ASAH1: variants seen among roughly 807,000 people sequenced by gnomAD.
ASAH1 encodes N-acylsphingosine amidohydrolase 1.
A neutral mutation model predicts 59.5 loss-of-function variants in ASAH1; 70 were observed. The ratio of observed to expected loss-of-function variants is 1.18; its 90% CI spans 0.97 to 1.43. The LOEUF (loss-of-function observed/expected upper bound fraction) is 1.43. Among genes scored for constraint, ASAH1 ranks in the 40% most tolerant of loss-of-function variants. The pLI is 0.00. For missense variants in ASAH1, 660 were observed against 482.5 expected (o/e 1.37, Z -3.45); for synonymous variants, 213 against 166.5 (o/e 1.28, Z -2.15).
intron 10 of ASAH1, chr8:18,060,348 G>A (rs1799638869): frequency 6.5e-6 from 1 of 153,982 alleles, no homozygotes; most frequent in Non-Finnish European, 1.4e-5. Flanking sequence ...AGCAATCCCT[G>A]ACCCTGTATG....
intron 6 of ASAH1, 185 bp from the exon 7 acceptor site, chr8:18,063,415 T>G: frequency 1.6e-6 from 1 of 609,080 alleles, no homozygotes; most frequent in East Asian, 3.0e-5. Context: ...GCAATTCTTG[T>G]GCCTCAGCCT....
chr8:18,084,080 T>C lies in ASAH1; in HGVS notation c.-22A>G, dbSNP rs765396156. The C allele has an allele frequency of 6.3e-7, 1 of 1,597,710 alleles. No homozygotes were observed. The highest frequency in any genetic ancestry group is 1.3e-5 in the African/African-American group (1 of 74,828). ...GCATCGCTCTAGCAGCCAACGCCAC[T>C]CCCCGGACTCCAGCAGAGGCAAAGA... On this transcript the variant is annotated 5_prime_UTR_variant, in exon 1 of 14. Transcript: ENST00000637790.
intron 5 of ASAH1, chr8:18,066,531 A>G (rs1414750763): frequency 7.5e-6 from 1 of 133,868 alleles, no homozygotes; most frequent in African/African-American, 2.9e-5. Context: ...AGGCTCAAAT[A>G]AAGATTGACA....
upstream of ASAH1, chr8:18,084,392 G>C (rs1484167937): frequency 2.7e-5 from 38 of 1,400,646 alleles, no homozygotes; most frequent in Non-Finnish European, 3.5e-5. Flanking sequence ...CCGTAGGTGG[G>C]GCCGGGAGCT....
At chr8:18,059,849 G>A (rs1268490410) in intron 10 of ASAH1, 146 bp from the exon 11 acceptor site, 3 of 752,990 alleles carry the variant, frequency 4.0e-6, no homozygotes, top group Non-Finnish European at 4.2e-6. Flanking sequence ...TGCCATGGTG[G>A]TTTGCTGCAC....
chr8:18,066,956 G>A (rs1799951543), intron 5 of ASAH1: 1 of 403,732 alleles, frequency 2.5e-6, no homozygotes. Context: ...TCAGAATAGT[G>A]TTTACTGGAG....
At chr8:18,069,744 G>T (rs371420377) in intron 4 of ASAH1, 48 bp downstream of exon 4, 1 of 1,327,314 alleles carries the variant, frequency 7.5e-7, no homozygotes, top group Non-Finnish European at 1.1e-6. Context: ...AAATAACAGC[G>T]CATTTTCTAT....
Position 18,067,286 on chromosome 8 carries a change from C to T in ASAH1, c.316G>A (p.Gly106Ser). 2 of 1,594,558 alleles carry T rather than the reference C, an allele frequency of 1.3e-6. No homozygotes were observed. Among genetic ancestry groups the T allele is most frequent in the Non-Finnish European group, 1.7e-6 (2 of 1,169,858 alleles). Residue 106 changes from glycine to serine, a missense_variant, in exon 5 of 14, where the codon GGC (glycine) becomes AGC (serine). Coordinates refer to ENST00000637790, the MANE Select transcript of ASAH1 (RefSeq NM_177924.5). ...TCTTCAAAAGGGCCAGGAAAGTTGCCAAGTAGGCCAGGCTGGAAAACAAAT... is the reference window on the plus strand; with the variant it reads ...TCTTCAAAAGGGCCAGGAAAGTTGCTAAGTAGGCCAGGCTGGAAAACAAAT... ...VVDEKLPGLLGNFPGPFEEEM... is the reference protein window; with the variant it reads ...VVDEKLPGLLSNFPGPFEEEM...
At chr8:18,061,347 A>G in intron 10 of ASAH1, 30 bp downstream of exon 10, 1 of 1,542,722 alleles carries the variant, frequency 6.5e-7, no homozygotes, top group Non-Finnish European at 8.9e-7. Flanking sequence ...TAAAATAAAT[A>G]TTTAATAGTA....
intron 5 of ASAH1, 36 bp downstream of exon 5, chr8:18,067,183 AT>A (rs773876156): frequency 6.3e-7 from 1 of 1,577,016 alleles, no homozygotes; most frequent in Non-Finnish European, 8.7e-7. Flanking sequence ...AAAGAATTTA[AT>A]TACTTTTTTT....
intron 9 of ASAH1, 47 bp downstream of exon 9, chr8:18,061,639 T>C (rs1799704185): frequency 6.4e-7 from 1 of 1,564,348 alleles, no homozygotes; most frequent in East Asian, 2.3e-5. Flanking sequence ...GCCTTCCTCA[T>C]AAAAAAGCTC....
rs528104165 is a variant in ASAH1, at chr8:18,075,596, CAA to C, written c.79-11_79-10del. ...CTGCAGTCCTCTGTCCACTGAAAAG[CAA>C]AGAAAATTAAGTTTCAGAAAATAAC... is the stretch of plus-strand genomic sequence containing the variant. On this transcript the variant is annotated splice_polypyrimidine_tract_variant and intron_variant, in intron 1 of 13. Coordinates refer to ENST00000637790, the MANE Select transcript of ASAH1 (RefSeq NM_177924.5). 78 of 1,613,774 alleles carry C rather than the reference CAA, an allele frequency of 4.8e-5. No homozygotes were observed. The South Asian group carries it at 8.6e-4, about 18-fold the overall frequency.
intron 2 of ASAH1, 39 bp from the exon 3 acceptor site, chr8:18,071,429 GT>G: frequency 7.5e-7 from 1 of 1,327,976 alleles, no homozygotes; most frequent in Non-Finnish European, 1.1e-6. Context: ...TGATGAAAGG[GT>G]TTTTTGTGAG....
intron 2 of ASAH1, among the ~76,000 whole-genome samples, chr8:18,072,520 G>A (rs60767394): frequency 0.43 from 65,110 of 152,010 alleles, 14,828 homozygotes; most frequent in Admixed American, 0.53. Flanking sequence ...AAGTATATTC[G>A]ATTTTGGAAA....
At chr8:18,078,502 G>A (rs1266057036) in intron 1 of ASAH1, among the ~76,000 whole-genome samples, 1 of 152,126 alleles carries the variant, frequency 6.6e-6, no homozygotes, top group Admixed American at 6.6e-5. Context: ...GGGCTCACAT[G>A]GCATGAACGC....
At chr8:18,059,499 C>T (rs746288619) in intron 11 of ASAH1, 35 bp from the exon 12 acceptor site, 5 of 1,614,170 alleles carry the variant, frequency 3.1e-6, no homozygotes, top group Non-Finnish European at 4.2e-6. Flanking sequence ...TCTTAGGCTA[C>T]ATGCCTTAAA....
chr8:18,084,556 G>A, upstream of ASAH1: 2 of 1,514,284 alleles, frequency 1.3e-6, no homozygotes, highest in Non-Finnish European at 1.8e-6. Context: ...GAGAAAAGCG[G>A]CCCGAAATGA....
intron 5 of ASAH1, chr8:18,065,112 G>A (rs2117039570): frequency 6.6e-6 from 1 of 151,822 alleles, no homozygotes; most frequent in Non-Finnish European, 1.5e-5. Context: ...AGCTCAACAT[G>A]TTTTTTTCAC....
chr8:18,069,269 G>C, intron 4 of ASAH1, among the ~76,000 whole-genome samples: 1 of 151,994 alleles, frequency 6.6e-6, no homozygotes, highest in East Asian at 1.9e-4. Flanking sequence ...TTGGTTCTGC[G>C]TCAACAAAAA....
Sources: gnomAD v4.1 joint callset for allele counts (sites outside exome capture counted in the v4.1 genomes callset) on GRCh38, gnomAD v4.1.1 for gene constraint, MANE v1.5 for transcripts, NCBI Gene and HGNC (gene_info 2026-07-23, HGNC 2026-07-21) for gene names.